The following CNOT4 variants were observed in gnomAD, a reference collection of about 807,000 sequenced individuals.
CNOT4 encodes the protein CCR4-NOT transcription complex subunit 4.
In CNOT4, 8 loss-of-function variants were observed where a neutral mutation model predicts 73.8. The ratio of observed to expected loss-of-function variants is 0.11; its 90% confidence interval spans 0.06 to 0.20. CNOT4 has a LOEUF of 0.20. Ranked by LOEUF, CNOT4 falls within the 10% of genes least tolerant of loss-of-function variation. CNOT4 has a pLI of 1.00. For synonymous variants in CNOT4, 293 were observed against 321.1 expected (o/e 0.91, Z 0.94); for missense variants, 564 against 883.4 (o/e 0.64, Z 4.58).
At chr7:135,382,288 CCT>C (rs1795888789) in intron 10 of CNOT4, among the ~76,000 whole-genome samples, 1 of 151,934 alleles carries the variant, frequency 6.6e-6, no homozygotes, top group South Asian at 2.1e-4. Context: ...GGAAATAGCC[CCT>C]GACTAAGAAG....
rs181364840 is a variant in CNOT4 at position 135,461,747 on chromosome 7, G to A, written c.-92-23324C>T. On this transcript the variant is annotated intron_variant, in intron 1 of 11. Coordinates refer to ENST00000541284, the MANE Select transcript of CNOT4 (RefSeq NM_001190850.2). ...TTCAGGAGGCTAAGGTGGGAGAATT[G>A]CTTGAACCTGGGAGGTGGAGGCTGC... Among the ~76,000 whole-genome samples the A allele has an allele frequency of 2.6e-5, 4 of 152,196 alleles. No homozygotes were observed. The East Asian group carries it at 5.8e-4, about 22-fold the overall frequency.
At chr7:135,409,072 C>G (rs949322208) in intron 7 of CNOT4, among the ~76,000 whole-genome samples, 17 of 151,968 alleles carry the variant, frequency 1.1e-4, no homozygotes, top group Non-Finnish European at 2.2e-4. Context: ...GCTATAAACC[C>G]AGAATTTGAC....
chr7:135,445,989 C>T (rs1367291115), intron 1 of CNOT4, among the ~76,000 whole-genome samples: 1 of 152,244 alleles, frequency 6.6e-6, no homozygotes, highest in Admixed American at 6.5e-5. Context: ...AAAGCAAATC[C>T]TCCCACCTCA....
chr7:135,427,767 T>C (rs917217716), intron 2 of CNOT4, among the ~76,000 whole-genome samples: 7 of 152,200 alleles, frequency 4.6e-5, no homozygotes, highest in African/African-American at 1.7e-4. Flanking sequence ...TAAAAATTTT[T>C]TTTTTCTTCT....
chr7:135,369,981 C>T (rs1205748064), intron 10 of CNOT4, among the ~76,000 whole-genome samples: 1 of 152,116 alleles, frequency 6.6e-6, no homozygotes, highest in African/African-American at 2.4e-5. Flanking sequence ...AGGGCAGTCA[C>T]AAAAATCATT....
rs1185316043 is a variant in CNOT4 at position 135,364,839 on chromosome 7, T to A, written c.1628-773A>T. 6.6e-6 allele frequency among the ~76,000 whole-genome samples: 1 copy of A among 152,252 alleles called. No individual in the cohort carries two copies. Among genetic ancestry groups the A allele is most frequent in the Non-Finnish European group, 1.5e-5 (1 of 68,052 alleles). ...CTAGCAACATAGAAAAGGCTTTTTA[T>A]AAATTGTGACTAAACTAACTTGATC... On this transcript the variant is annotated intron_variant, in intron 10 of 11. Transcript: ENST00000541284. This position sits in a 1 kb window ranked among gnomAD's most constrained non-coding sequence, Gnocchi z 4.3.
At chr7:135,495,582 G>A (rs1803439922) in intron 1 of CNOT4, among the ~76,000 whole-genome samples, 1 of 149,096 alleles carries the variant, frequency 6.7e-6, no homozygotes, top group Non-Finnish European at 1.5e-5. Context: ...AGGCTGAGGT[G>A]GGAGGATTAC....
At chr7:135,388,802 C>T in intron 10 of CNOT4, 1 of 1,612,644 alleles carries the variant, frequency 6.2e-7, no homozygotes, top group Non-Finnish European at 8.5e-7. Context: ...TGTCAGGCCA[C>T]AGTAGTGTGG....
At chr7:135,420,471 G>T (rs1426952272) in intron 3 of CNOT4, among the ~76,000 whole-genome samples, 1 of 151,572 alleles carries the variant, frequency 6.6e-6, no homozygotes, top group East Asian at 1.9e-4. Flanking sequence ...CAGTTACCTG[G>T]GGGGCTGAGG....
intron 10 of CNOT4, among the ~76,000 whole-genome samples, chr7:135,371,501 G>A (rs998640903): frequency 6.6e-6 from 1 of 152,190 alleles, no homozygotes; most frequent in Non-Finnish European, 1.5e-5. Context: ...GCATCCCATA[G>A]AGAACACAGG....
At chr7:135,477,976 G>A (rs1802102029) in intron 1 of CNOT4, among the ~76,000 whole-genome samples, 1 of 151,970 alleles carries the variant, frequency 6.6e-6, no homozygotes, top group Non-Finnish European at 1.5e-5. Flanking sequence ...TAATAGATAT[G>A]TGCTTATTAA....
rs1463883820 is a variant in CNOT4, at chr7:135,363,884, C to A, written c.1810G>T (p.Gly604Cys). The A allele has an allele frequency of 1.3e-6, 2 of 1,597,606 alleles. No homozygotes were observed. Among genetic ancestry groups the A allele is most frequent in the Non-Finnish European group, 1.7e-6 (2 of 1,179,490 alleles). ...TTDSLSWDSPGSWTDPAIITG... is the reference protein window; with the variant it reads ...TTDSLSWDSPCSWTDPAIITG... ...ATGATGGCTGGGTCTGTCCAGCTGC[C>A]AGGGCTGTCCCAACTCAGGCTGTCG... is the stretch of plus-strand genomic sequence containing the variant. Residue 604 changes from glycine to cysteine, a missense_variant, in exon 11 of 12, where the codon GGC (glycine) becomes TGC (cysteine). Gly to Cys is a radical substitution (Grantham distance 159, BLOSUM62 -3). Around this residue, in one of 10 missense-constraint regions of CNOT4, gnomAD observed 53 missense variants for 75.4 expected, o/e 0.70. Transcript: ENST00000541284. This position sits in a 1 kb window ranked among gnomAD's most constrained non-coding sequence, Gnocchi z 4.3.
At chr7:135,498,642 A>G (rs759680738) in intron 1 of CNOT4, among the ~76,000 whole-genome samples, 8 of 152,014 alleles carry the variant, frequency 5.3e-5, no homozygotes, top group African/African-American at 9.7e-5. Context: ...TCCGCCTCCT[A>G]GGTTCAAGTG....
At chr7:135,453,826 T>TTTTATATATATA (rs1275359797) in intron 1 of CNOT4, among the ~76,000 whole-genome samples, 5 of 89,900 alleles carry the variant, frequency 5.6e-5, no homozygotes, top group Admixed American at 1.4e-4. Flanking sequence ...TATATATATT[T>TTTTATATATATA]TATATATATA....
chr7:135,490,166 A>G (rs1302943986), intron 1 of CNOT4, among the ~76,000 whole-genome samples: 1 of 152,256 alleles, frequency 6.6e-6, no homozygotes, highest in Admixed American at 6.5e-5. Flanking sequence ...GTTACATATT[A>G]GTATCAATTT....
At chr7:135,473,092 T>C (rs1321981943) in intron 1 of CNOT4, among the ~76,000 whole-genome samples, 1 of 152,128 alleles carries the variant, frequency 6.6e-6, no homozygotes, top group Non-Finnish European at 1.5e-5. Flanking sequence ...AAAGATTGAT[T>C]CACGTACCTT....
chr7:135,457,496 C>T lies in CNOT4; in HGVS notation c.-92-19073G>A, dbSNP rs190440281. On this transcript the variant is annotated intron_variant, in intron 1 of 11. Coordinates refer to ENST00000541284, the MANE Select transcript of CNOT4 (RefSeq NM_001190850.2). ...TTAAAATAGTACTATTTTCTTTGGA[C>T]AACTAACTATCATTATTACATGCTC... 2.6e-5 allele frequency among the ~76,000 whole-genome samples: 4 copies of T among 152,076 alleles called. No homozygotes were observed. The East Asian group carries it at 7.7e-4, about 29-fold the overall frequency.
chr7:135,395,800 A>G lies in CNOT4; in HGVS notation c.963T>C (p.Ser321=). Residue 321 remains serine, a synonymous_variant, in exon 9 of 12, where the codon AGT becomes AGC. Transcript: ENST00000541284. Reference sequence around the variant, plus strand: ...CTGCCCCTTCAAAAGGGGACCGTGCACTGTGATTGGATGAACTGATGGGGA... The same window carrying G: ...CTGCCCCTTCAAAAGGGGACCGTGCGCTGTGATTGGATGAACTGATGGGGA... ...PVIPISSSNH[S]ARSPFEGAVT... The G allele has an allele frequency of 1.2e-6, 2 of 1,613,948 alleles. No individual in the cohort carries two copies.
chr7:135,432,645 T>G (rs746623721), intron 2 of CNOT4, among the ~76,000 whole-genome samples: 10 of 152,242 alleles, frequency 6.6e-5, no homozygotes, highest in Non-Finnish European at 1.3e-4. Flanking sequence ...TTGGATCTCC[T>G]GTTTCCTTTA....
Sources: gnomAD v4.1 joint callset for allele counts (sites outside exome capture counted in the v4.1 genomes callset) on GRCh38, gnomAD v4.1.1 for gene constraint, gnomAD v4.1.1 regional missense constraint, Gnocchi (gnomAD v3.1) non-coding constraint, MANE v1.5 for transcripts, NCBI Gene and HGNC (gene_info 2026-07-23, HGNC 2026-07-21) for gene names.